KCNG3: variants seen among roughly 807,000 people sequenced by gnomAD.
KCNG3 encodes voltage-gated potassium channel regulatory subunit KCNG3.
Under a neutral mutation model 29.0 loss-of-function variants are expected in KCNG3, and 15 were observed. The ratio of observed to expected loss-of-function variants is 0.52; its 90% CI spans 0.35 to 0.80. The LOEUF is 0.80. KCNG3 is among the 30% of genes least tolerant of loss of function. The pLI is 0.01. For synonymous variants in KCNG3, 322 were observed against 248.9 expected (o/e 1.29, Z -2.76); for missense variants, 512 against 605.7 (o/e 0.85, Z 1.62).
At chr2:42,448,988 AC>A (rs1672680125) in intron 1 of KCNG3, among the ~76,000 whole-genome samples, 1 of 151,960 alleles carries the variant, frequency 6.6e-6, no homozygotes, top group African/African-American at 2.4e-5. Context: ...AAAAAAAAAA[AC>A]AAAACAAAAA....
chr2:42,428,431 A>T, the KCNG3 span, among the ~76,000 whole-genome samples: 1 of 138,594 alleles, frequency 7.2e-6, no homozygotes, highest in Admixed American at 7.6e-5. Context: ...ACTGCACTCC[A>T]GTTGGGGTGA....
the KCNG3 span, among the ~76,000 whole-genome samples, chr2:42,431,078 C>A: frequency 3.2e-4 from 49 of 151,028 alleles, no homozygotes; most frequent in African/African-American, 1.1e-3. Context: ...TGCACTCCAG[C>A]CTGGGCAGAC....
At chr2:42,492,789 C>G (rs1165472758) in intron 1 of KCNG3, 48 bp downstream of exon 1, 1 of 1,397,716 alleles carries the variant, frequency 7.2e-7, no homozygotes, top group Non-Finnish European at 9.3e-7. Flanking sequence ...ACGGGACGGA[C>G]AGACGCGACA....
At chr2:42,489,285 C>G (rs1673813264) in intron 1 of KCNG3, among the ~76,000 whole-genome samples, 3 of 152,070 alleles carry the variant, frequency 2.0e-5, no homozygotes, top group African/African-American at 2.4e-5. Flanking sequence ...AGCTACTCCA[C>G]AGGCTGAGGT....
chr2:42,409,707 A>C, the KCNG3 span, among the ~76,000 whole-genome samples: 1 of 82,006 alleles, frequency 1.2e-5, no homozygotes. Flanking sequence ...CTCAAAAAAA[A>C]AAAAAAAAAA....
chr2:42,491,516 T>C (rs1195163703), intron 1 of KCNG3, among the ~76,000 whole-genome samples: 2 of 152,164 alleles, frequency 1.3e-5, no homozygotes, highest in Non-Finnish European at 2.9e-5. Flanking sequence ...AAAAAAGGCA[T>C]TTATGTATTT....
At chr2:42,429,117 TCAAAAACAAAAAAA>T in the KCNG3 span, among the ~76,000 whole-genome samples, 3 of 150,782 alleles carry the variant, frequency 2.0e-5, 1 homozygote, top group African/African-American at 7.3e-5. Flanking sequence ...AGACTCCATC[TCAAAAACAAAAAAA>T]CAAAAACAAA....
rs1673924739 is a variant in KCNG3 at position 42,492,723 on chromosome 2, C to G, written c.665+114G>C. 1.5e-5 allele frequency: 15 copies of G among 1,010,670 alleles called. No individual in the cohort carries two copies. In the South Asian group the frequency reaches 3.3e-4, roughly 22 times the overall value. The allele number at this position is 1,010,670 out of a possible 1,614,324, so 62.6% of individuals were successfully genotyped here. A position where few individuals can be genotyped will look rare whatever the true frequency, so the allele number is the denominator to read the frequency against. On this transcript the variant is annotated intron_variant, in intron 1 of 1. Coordinates refer to ENST00000306078, the MANE Select transcript of KCNG3 (RefSeq NM_133329.6). ...GGCCGCGCCTGGGCCTCGCTGGGCG[C>G]GCACCCCGCTGGCTCGGTCGCCCGG...
At chr2:42,402,097 T>C in the KCNG3 span, among the ~76,000 whole-genome samples, 1 of 152,278 alleles carries the variant, frequency 6.6e-6, no homozygotes, top group East Asian at 1.9e-4. Context: ...ATGGGCATCA[T>C]CTAATCTGCT....
At chr2:42,437,653 G>A (rs1672397613), downstream of KCNG3, among the ~76,000 whole-genome samples, 2 of 152,004 alleles carry the variant, frequency 1.3e-5, no homozygotes, top group South Asian at 2.1e-4. Context: ...AAATAAATAT[G>A]TGGGCTGGGT....
In KCNG3 at chr2:42,443,798, G is replaced by A. The variant is rs941428231; in HGVS notation, c.*136C>T. On this transcript the variant is annotated 3_prime_UTR_variant, in exon 2 of 2. Coordinates refer to ENST00000306078, the MANE Select transcript of KCNG3 (RefSeq NM_133329.6). ...AACAAGTAAACTGTTTTATCCCTTCGGCTGGGAAGGATAATTTTTACCCTA... is the reference window on the plus strand; with the variant it reads ...AACAAGTAAACTGTTTTATCCCTTCAGCTGGGAAGGATAATTTTTACCCTA... The A allele has an allele frequency of 1.0e-5, 8 of 768,454 alleles. No homozygotes were observed. The highest frequency in any genetic ancestry group is 5.3e-5 in the African/African-American group (3 of 56,768). The allele number at this position is 768,454 out of a possible 1,614,324, so 47.6% of individuals were successfully genotyped here.
chr2:42,464,484 G>C (rs183579926), intron 1 of KCNG3, among the ~76,000 whole-genome samples: 1 of 152,190 alleles, frequency 6.6e-6, no homozygotes, highest in South Asian at 2.1e-4. Flanking sequence ...AACATTCGCA[G>C]TACTAAAAGC....
At chr2:42,424,186 G>C in the KCNG3 span, among the ~76,000 whole-genome samples, 1 of 152,102 alleles carries the variant, frequency 6.6e-6, no homozygotes, top group Non-Finnish European at 1.5e-5. Flanking sequence ...AAATTCCTTG[G>C]CCTTGAAAAG....
At chr2:42,399,619 C>A in the KCNG3 span, among the ~76,000 whole-genome samples, 2 of 152,098 alleles carry the variant, frequency 1.3e-5, no homozygotes, top group Non-Finnish European at 2.9e-5. Flanking sequence ...TTCAATAATT[C>A]TTAGACTCCT....
chr2:42,438,859 T>C (rs536454890), downstream of KCNG3, among the ~76,000 whole-genome samples: 46 of 152,322 alleles, frequency 3.0e-4, 1 homozygote, highest in African/African-American at 1.0e-3. Flanking sequence ...AGAACTGATA[T>C]GCCCAGGTTT....
intron 1 of KCNG3, among the ~76,000 whole-genome samples, chr2:42,469,438 G>C (rs1429295321): frequency 6.7e-6 from 1 of 148,378 alleles, no homozygotes; most frequent in African/African-American, 2.5e-5. Context: ...AAAAAAATAG[G>C]ATAGTGAACC....
chr2:42,458,212 CCA>C (rs1290026573), intron 1 of KCNG3, among the ~76,000 whole-genome samples: 1 of 152,172 alleles, frequency 6.6e-6, no homozygotes, highest in African/African-American at 2.4e-5. Context: ...TTGGGATTGG[CCA>C]CAGAGAACTG....
chr2:42,413,795 C>T, the KCNG3 span: 1 of 152,270 alleles, frequency 6.6e-6, no homozygotes, highest in Non-Finnish European at 1.5e-5. Context: ...ATAAAACCAT[C>T]AGATCTCGTG....
At chr2:42,454,997 C>T (rs1672844481) in intron 1 of KCNG3, among the ~76,000 whole-genome samples, 1 of 152,160 alleles carries the variant, frequency 6.6e-6, no homozygotes, top group African/African-American at 2.4e-5. Context: ...TTATACTTAA[C>T]ACTACTAAAT....
Sources: allele counts gnomAD v4.1 joint callset (sites outside exome capture counted in the v4.1 genomes callset), GRCh38; gene constraint gnomAD v4.1.1; transcripts MANE v1.5; gene names NCBI Gene and HGNC (gene_info 2026-07-23, HGNC 2026-07-21).